The following SPTBN5 variants were observed in gnomAD, a reference collection of about 807,000 sequenced individuals.
The protein encoded by SPTBN5 is spectrin beta, non-erythrocytic 5, also known as spectrin beta chain, non-erythrocytic 5.
SPTBN5 carries 513 observed loss-of-function variants against 477.6 expected under a neutral mutation model. That is an observed-to-expected ratio of 1.07 (90% CI 1.00 to 1.16). The LOEUF (loss-of-function observed/expected upper bound fraction) is 1.16. Ranked by LOEUF, SPTBN5 falls within the 50% of genes most tolerant of loss-of-function variation. The pLI, the probability that SPTBN5 is intolerant of heterozygous loss-of-function variation, is 0.00. For synonymous variants in SPTBN5, 2,169 were observed against 2,011.7 expected (o/e 1.08, Z -2.09); for missense variants, 5,062 against 4,731.8 (o/e 1.07, Z -2.05).
Position 41,856,840 on chromosome 15 carries a change from G to T in SPTBN5, c.8808+13C>A. 2.6e-6 allele frequency: 4 copies of T among 1,536,976 alleles called. No individual in the cohort carries two copies. Among genetic ancestry groups the T allele is most frequent in the Non-Finnish European group, 2.6e-6 (3 of 1,136,744 alleles). On this transcript the variant is annotated intron_variant, in intron 52 of 67. Transcript: ENST00000320955. The stretch of plus-strand genomic sequence containing the variant: ...TCATGTGCGAGGCCAGCCCTCCCCG[G>T]GTGGGCCCACACCTGGTGCTGCTCC...
rs948720808 is a variant in SPTBN5, at chr15:41,881,100, G to T, written c.2592C>A (p.Pro864=). Residue 864 remains proline, a synonymous_variant, in exon 13 of 68, where the codon CCC becomes CCA. Coordinates refer to ENST00000320955, the MANE Select transcript of SPTBN5 (RefSeq NM_016642.4). Reference sequence around the variant, plus strand: ...GGTCCTGTGTCTGGAGTATAGTGTTGGGATCAAAGTCAGGGTCAGGCTCAG... The same window carrying T: ...GGTCCTGTGTCTGGAGTATAGTGTTTGGATCAAAGTCAGGGTCAGGCTCAG... ...LPAEPDPDFD[P]NTILQTQDHL... The T allele has an allele frequency of 2.3e-5, 37 of 1,612,374 alleles. No homozygotes were observed. Among genetic ancestry groups the T allele is most frequent in the Non-Finnish European group, 3.0e-5 (35 of 1,179,298 alleles).
At position 41,858,720 on chromosome 15, in the gene SPTBN5, AG is replaced by A. The variant is rs772268994; in HGVS notation, c.8107del (p.Leu2703TrpfsTer108). On this transcript the variant is annotated frameshift_variant, in exon 49 of 68. Transcript: ENST00000320955. LOFTEE classifies it high-confidence loss of function. ...CAGCAAACCCTCCTCCAAGGCCACC[AG>A]GTTCTTCTCCCTCAGCCACGCAGCC... ...EVAAWLREKN[L>X]VALEEGLLDT... 6.2e-7 allele frequency: 1 copy of A among 1,609,914 alleles called. No homozygotes were observed. The highest frequency in any genetic ancestry group is 1.1e-5 in the South Asian group (1 of 90,094).
rs767881564 is a variant in SPTBN5 at position 41,863,729 on chromosome 15, T to C, written c.7124A>G (p.Asn2375Ser). Reference protein sequence around the residue: ...EIHVLSRELDNVTKRIQEKEA... With the variant: ...EIHVLSRELDSVTKRIQEKEA... ...CTTCTCCTGAATCCTCTTGGTGACA[T>C]TGTCCAGCTCTCGGGACAACACGTG... The change falls in exon 41 of 68, where the codon AAT (asparagine) becomes AGT (serine). Residue 2375 changes from asparagine to serine, a missense_variant. Physicochemically the swap from Asn to Ser is conservative, Grantham distance 46. Transcript: ENST00000320955. The C allele has an allele frequency of 5.6e-6, 9 of 1,613,482 alleles. No homozygotes were observed. The highest frequency in any genetic ancestry group is 2.2e-5 in the South Asian group (2 of 91,066).
chr15:41,876,210 G>A lies in SPTBN5; in HGVS notation c.4026C>T (p.Ser1342=), dbSNP rs760742892. 36 of 1,604,888 alleles carry A rather than the reference G, an allele frequency of 2.2e-5. No homozygotes were observed. Among genetic ancestry groups the A allele is most frequent in the Middle Eastern group, 1.6e-4 (1 of 6,080 alleles). The part of the protein sequence containing the change: ...EKGLMAAHEP[S]GARRNILQTL... ...TCTGCAGGATGTTTCTGCGCGCTCC[G>A]GAGGGCTCATGCGCAGCCATCAGCC... Residue 1342 remains serine (S), a synonymous_variant, in exon 21 of 68, where the codon TCC becomes TCT. Coordinates refer to ENST00000320955, the MANE Select transcript of SPTBN5 (RefSeq NM_016642.4).
intron 21 of SPTBN5, 53 bp from the exon 22 acceptor site, chr15:41,875,675 G>A: frequency 6.6e-7 from 1 of 1,519,024 alleles, no homozygotes; most frequent in East Asian, 2.5e-5. Context: ...GGTACCACCA[G>A]TGGCCGCAGC....
chr15:41,878,502 G>C lies in SPTBN5; in HGVS notation c.3310C>G (p.Arg1104Gly), dbSNP rs745579816. 1 of 1,613,248 alleles carries C rather than the reference G, an allele frequency of 6.2e-7. No individual in the cohort carries two copies. Among genetic ancestry groups the C allele is most frequent in the Non-Finnish European group, 8.5e-7 (1 of 1,179,782 alleles). ...TGGCTCTCTTGCAGGAAGCTCTGCC[G>C]GGCCTGAGTCTCAGCCTGGCGCCGG... Reference protein sequence around the residue: ...RARRQAETQARQSFLQESQQL... With the variant: ...RARRQAETQAGQSFLQESQQL... Residue 1104 changes from arginine (R) to glycine (G), a missense_variant, in exon 17 of 68, where the codon CGG (arginine) becomes GGG (glycine). Physicochemically the swap from Arg to Gly is moderately radical, Grantham distance 125. Coordinates refer to ENST00000320955, the MANE Select transcript of SPTBN5 (RefSeq NM_016642.4).
chr15:41,886,750 T>A (rs778085120), intron 6 of SPTBN5, among the ~76,000 whole-genome samples: 4 of 152,014 alleles, frequency 2.6e-5, no homozygotes, highest in Non-Finnish European at 4.4e-5. Flanking sequence ...ACACCCCAAA[T>A]GAGATACCCA....
At chr15:41,886,799 C>T (rs188284450) in intron 6 of SPTBN5, among the ~76,000 whole-genome samples, 155 of 152,360 alleles carry the variant, frequency 1.0e-3, no homozygotes, top group African/African-American at 3.6e-3. Flanking sequence ...CCTCTGCCAT[C>T]GTGTCCAGAG....
rs535233880 is a variant in SPTBN5 at position 41,848,446 on chromosome 15, T to C, written c.*170A>G. The C allele has an allele frequency of 2.3e-4, 172 of 753,192 alleles. No homozygotes were observed. Among genetic ancestry groups the C allele is most frequent in the Middle Eastern group, 7.2e-4 (2 of 2,762 alleles). The allele number at this position is 753,192 out of a possible 1,614,324, so 46.7% of individuals were successfully genotyped here. On this transcript the variant is annotated 3_prime_UTR_variant, in exon 68 of 68. Transcript: ENST00000320955. The stretch of plus-strand genomic sequence containing the variant: ...GCAATGGCTGTTTCCTGCCACATGG[T>C]AGGACCCATCTAACCAGAAGGAACT...
intron 67 of SPTBN5, among the ~76,000 whole-genome samples, chr15:41,848,924 A>C (rs1296838182): frequency 6.6e-6 from 1 of 152,218 alleles, no homozygotes; most frequent in East Asian, 1.9e-4. Context: ...CTCAGGAGCC[A>C]CTGTGTCCAG....
intron 16 of SPTBN5, 149 bp from the exon 17 acceptor site, chr15:41,878,778 A>C: frequency 2.2e-6 from 2 of 910,928 alleles, no homozygotes; most frequent in Non-Finnish European, 3.2e-6. Flanking sequence ...CAGCAAGAAC[A>C]TAGGGCTCGC....
rs2065816090 is a variant in SPTBN5, at chr15:41,852,828, T to A, written c.10343A>T (p.Tyr3448Phe). The change falls in exon 60 of 68, where the codon TAT becomes TTT. Residue 3448 changes from tyrosine (Y) to phenylalanine (F), a missense_variant. By Grantham distance (22) the Tyr-to-Phe change is conservative. Transcript: ENST00000320955. ...CWEGLLLKPD[Y>F]GHSVSDVELL... ...AGGGGCAGGACCCCCACTCACCCCA[T>A]AGTCGGGCTTCAGCAGGAGTCCCTC... 1 of 1,605,458 alleles carries A rather than the reference T, an allele frequency of 6.2e-7. No homozygotes were observed. Among genetic ancestry groups the A allele is most frequent in the South Asian group, 1.1e-5 (1 of 90,738 alleles).
At chr15:41,863,848 G>A in intron 40 of SPTBN5, 30 bp from the exon 41 acceptor site, 2 of 1,612,550 alleles carry the variant, frequency 1.2e-6, no homozygotes, top group Non-Finnish European at 1.7e-6. Context: ...GTCATGTGGA[G>A]CCTGAGGTGG....
chr15:41,883,986 T>TTTTA (rs1204860635), intron 7 of SPTBN5, among the ~76,000 whole-genome samples: 3 of 151,030 alleles, frequency 2.0e-5, no homozygotes, highest in African/African-American at 7.3e-5. Flanking sequence ...TATTTTTATT[T>TTTTA]TTTATTTATT....
intron 61 of SPTBN5, 140 bp from the exon 62 acceptor site, chr15:41,852,456 C>T: frequency 7.4e-7 from 1 of 1,356,614 alleles, no homozygotes; most frequent in Non-Finnish European, 1.0e-6. Flanking sequence ...TCAGCTTTGG[C>T]TCTGGAGGCT....
chr15:41,849,028 T>C (rs1296751613), intron 67 of SPTBN5, among the ~76,000 whole-genome samples: 1 of 152,204 alleles, frequency 6.6e-6, no homozygotes, highest in Admixed American at 6.5e-5. Flanking sequence ...ACCACAGCCG[T>C]GGCTGCCACC....
At chr15:41,883,859 T>G (rs1356041971) in intron 7 of SPTBN5, among the ~76,000 whole-genome samples, 4 of 152,204 alleles carry the variant, frequency 2.6e-5, no homozygotes, top group African/African-American at 7.2e-5. Context: ...GGTGCAATCT[T>G]GGCTCACTGC....
chr15:41,858,479 T>G, intron 49 of SPTBN5, 123 bp downstream of exon 49: 1 of 1,251,148 alleles, frequency 8.0e-7, no homozygotes, highest in South Asian at 1.6e-5. Context: ...GCCAGGTGCC[T>G]GCATGCAGAA....
chr15:41,863,728 A>G lies in SPTBN5; in HGVS notation c.7125T>C (p.Asn2375=). Residue 2375 remains asparagine, a synonymous_variant, in exon 41 of 68, where the codon AAT becomes AAC. Coordinates refer to ENST00000320955, the MANE Select transcript of SPTBN5 (RefSeq NM_016642.4). ...EIHVLSRELD[N]VTKRIQEKEA... ...CCTTCTCCTGAATCCTCTTGGTGAC[A>G]TTGTCCAGCTCTCGGGACAACACGT... The G allele has an allele frequency of 6.2e-7, 1 of 1,613,130 alleles. No homozygotes were observed.
Sources: allele counts gnomAD v4.1 joint callset (sites outside exome capture counted in the v4.1 genomes callset), GRCh38; gene constraint gnomAD v4.1.1; transcripts MANE v1.5; gene names NCBI Gene and HGNC (gene_info 2026-07-23, HGNC 2026-07-21).